Variants in MERTK observed in about 807,000 individuals in gnomAD.
MERTK encodes tyrosine-protein kinase Mer.
A neutral mutation model predicts 99.3 loss-of-function variants in MERTK; 69 were observed. The observed-to-expected ratio is 0.70, with a 90% CI of 0.57 to 0.85. The LOEUF is 0.85. Ranked by LOEUF, MERTK falls within the 40% of genes least tolerant of loss-of-function variation. MERTK has a pLI of 0.00. For missense variants in MERTK, 1,125 were observed against 1,249.4 expected, an observed-to-expected ratio of 0.90 and a Z score of 1.50; for synonymous variants, 426 against 467.6, an observed-to-expected ratio of 0.91 and a Z score of 1.15.
intron 15 of MERTK, among the ~76,000 whole-genome samples, chr2:112,010,883 G>T (rs974965681): frequency 3.3e-5 from 5 of 152,134 alleles, no homozygotes; most frequent in African/African-American, 1.2e-4. Flanking sequence ...GTTGCAAAAG[G>T]CAGCGATCCT....
intron 2 of MERTK, chr2:111,941,128 A>G (rs1435417414): frequency 2.8e-6 from 1 of 353,976 alleles, no homozygotes; most frequent in Non-Finnish European, 5.4e-6. Context: ...CATGCCTGAA[A>G]ATGCCATTCT....
chr2:111,915,898 AAAAT>A (rs754999880), intron 1 of MERTK, among the ~76,000 whole-genome samples: 7 of 152,164 alleles, frequency 4.6e-5, no homozygotes, highest in Non-Finnish European at 7.4e-5. Flanking sequence ...CTCCATCTCC[AAAAT>A]AAATAAATAA....
chr2:111,969,690 T>C (rs1156353798), intron 6 of MERTK, among the ~76,000 whole-genome samples: 1 of 23,082 alleles, frequency 4.3e-5, no homozygotes, highest in African/African-American at 1.8e-4. Flanking sequence ...CCAGCCTTTC[T>C]TTTTTTTTTT....
chr2:111,971,858 T>G (rs1414970708), intron 6 of MERTK, among the ~76,000 whole-genome samples: 2 of 152,234 alleles, frequency 1.3e-5, no homozygotes, highest in Non-Finnish European at 2.9e-5. Context: ...TTGCTGATAC[T>G]CTGTCTCATG....
intron 15 of MERTK, among the ~76,000 whole-genome samples, chr2:112,013,947 C>T (rs954199060): frequency 9.9e-5 from 15 of 152,016 alleles, no homozygotes; most frequent in African/African-American, 1.9e-4. Context: ...CTCCGCCTCC[C>T]GGGTTCAAGT....
At chr2:112,006,649 A>G (rs1573635968) in intron 13 of MERTK, among the ~76,000 whole-genome samples, 1 of 152,088 alleles carries the variant, frequency 6.6e-6, no homozygotes, top group African/African-American at 2.4e-5. Flanking sequence ...TTGCATAGGG[A>G]TTACACCCCT....
chr2:111,902,400 A>G (rs1487875654), intron 1 of MERTK, among the ~76,000 whole-genome samples: 1 of 152,194 alleles, frequency 6.6e-6, no homozygotes, highest in Non-Finnish European at 1.5e-5. Flanking sequence ...GATTTTGGAA[A>G]CGAATCTGAT....
intron 2 of MERTK, among the ~76,000 whole-genome samples, chr2:111,941,658 C>G (rs2104699283): frequency 6.6e-6 from 1 of 152,238 alleles, no homozygotes; most frequent in South Asian, 2.1e-4. Context: ...CACACCCCAC[C>G]CTCCCAGTGG....
chr2:112,027,174 T>TACAC, intron 18 of MERTK, among the ~76,000 whole-genome samples: 1 of 150,536 alleles, frequency 6.6e-6, no homozygotes, highest in South Asian at 2.1e-4. Flanking sequence ...TATATATATA[T>TACAC]ATACACACAC....
At chr2:112,020,003 C>T (rs1055587674) in intron 16 of MERTK, among the ~76,000 whole-genome samples, 19 of 152,246 alleles carry the variant, frequency 1.2e-4, no homozygotes, top group African/African-American at 4.6e-4. Flanking sequence ...GACTTAGGTT[C>T]TCCCTATTTC....
At position 111,945,042 on chromosome 2, in the gene MERTK, A is replaced by G. The variant is rs201529080; in HGVS notation, c.565A>G (p.Ile189Val). 56 of 1,613,342 alleles carry G rather than the reference A, an allele frequency of 3.5e-5. No individual in the cohort carries two copies. In the African/African-American group the frequency reaches 6.8e-4, roughly 20 times the overall value. ...INNEEIVSDP[I>V]YIEVQGLPHF... Reference sequence around the variant, plus strand: ...CAATGAAGAGATCGTGTCTGATCCCATCTACATCGAAGTACAAGGTAAGTC... The same window carrying G: ...CAATGAAGAGATCGTGTCTGATCCCGTCTACATCGAAGTACAAGGTAAGTC... Residue 189 changes from isoleucine to valine, a missense_variant, in exon 3 of 19, where the codon ATC (isoleucine) becomes GTC (valine). Ile to Val is a conservative substitution (Grantham distance 29). Coordinates refer to ENST00000295408, the MANE Select transcript of MERTK (RefSeq NM_006343.3).
intron 12 of MERTK, chr2:112,003,585 A>G (rs539514690): frequency 5.2e-6 from 2 of 384,760 alleles, no homozygotes; most frequent in Admixed American, 4.3e-5. Context: ...ATGAATGATA[A>G]TGGTATTAAA....
rs760912044 is a variant in MERTK at position 111,947,551 on chromosome 2, C to G, written c.741C>G (p.Ser247=). ...ACGAACAGCCTGAAAAATCCCCCTC[C>G]GTGCTAACTGTTCCAGGTAAGTCCG... ...RVNEQPEKSP[S]VLTVPGLTEM... The change falls in exon 4 of 19, where the codon TCC becomes TCG. Residue 247 remains serine, a synonymous_variant. Transcript: ENST00000295408. The G allele has an allele frequency of 6.2e-7, 1 of 1,614,096 alleles. No homozygotes were observed. Among genetic ancestry groups the G allele is most frequent in the East Asian group, 2.2e-5 (1 of 44,884 alleles).
chr2:111,917,691 C>T (rs1330582773), intron 1 of MERTK, among the ~76,000 whole-genome samples: 3 of 152,066 alleles, frequency 2.0e-5, no homozygotes, highest in African/African-American at 4.8e-5. Context: ...TGGAGACCAT[C>T]CTGGCCAACA....
intron 2 of MERTK, among the ~76,000 whole-genome samples, chr2:111,939,508 G>A (rs574492183): frequency 5.3e-5 from 8 of 151,960 alleles, no homozygotes; most frequent in African/African-American, 1.9e-4. Context: ...TTGAGACAGG[G>A]TCTCACTCTA....
intron 4 of MERTK, among the ~76,000 whole-genome samples, chr2:111,951,549 A>ATATATATATATATATATATATATATAT (rs1685057322): frequency 8.4e-6 from 1 of 118,774 alleles, no homozygotes; most frequent in Non-Finnish European, 1.8e-5. Context: ...ATATATATAT[A>ATATATATATATATATATATATATATAT]CCATAATTTT....
chr2:111,982,745 T>C (rs901933573), intron 7 of MERTK, 97 bp from the exon 8 acceptor site: 20 of 1,361,392 alleles, frequency 1.5e-5, no homozygotes, highest in African/African-American at 5.7e-5. Context: ...GTGCTTTTCA[T>C]AGAGCATTTG....
intron 4 of MERTK, chr2:111,952,086 C>G (rs1164779943): frequency 6.6e-6 from 1 of 152,038 alleles, no homozygotes; most frequent in African/African-American, 2.4e-5. Flanking sequence ...TCAGTTACAC[C>G]CTTACAACGA....
intron 4 of MERTK, among the ~76,000 whole-genome samples, chr2:111,949,777 A>T (rs928374011): frequency 6.6e-6 from 1 of 152,126 alleles, no homozygotes; most frequent in Non-Finnish European, 1.5e-5. Context: ...TTCTGTTCTT[A>T]TATCTGTCAT....
Sources: allele counts gnomAD v4.1 joint callset (sites outside exome capture counted in the v4.1 genomes callset), GRCh38; gene constraint gnomAD v4.1.1; transcripts MANE v1.5; gene names NCBI Gene and HGNC (gene_info 2026-07-23, HGNC 2026-07-21).